EFR3B: variants seen among roughly 807,000 people sequenced by gnomAD.
EFR3B encodes the protein EFR3 homolog B, also known as protein EFR3 homolog B.
A neutral mutation model predicts 104.7 loss-of-function variants in EFR3B; 64 were observed. That is an observed-to-expected ratio of 0.61 (90% CI 0.50 to 0.75). The LOEUF is 0.75. Ranked by LOEUF, EFR3B falls within the 30% of genes least tolerant of loss-of-function variation. The probability of loss-of-function intolerance (pLI) is 0.00; values close to 1 mark genes in which losing one functional copy is unlikely to be tolerated. For synonymous variants in EFR3B, 385 were observed against 417.9 expected (o/e 0.92, Z 0.96); for missense variants, 750 against 1,078.5 (o/e 0.70, Z 4.27).
intron 5 of EFR3B, among the ~76,000 whole-genome samples, chr2:25,125,646 C>T (rs531923300): frequency 6.0e-4 from 92 of 152,268 alleles, no homozygotes; most frequent in African/African-American, 2.1e-3. Flanking sequence ...CCCTGGCAAC[C>T]CCAGTTAAAA....
chr2:25,143,184 C>T (rs1670721470), intron 17 of EFR3B, among the ~76,000 whole-genome samples: 3 of 151,820 alleles, frequency 2.0e-5, no homozygotes, highest in Admixed American at 2.0e-4. Context: ...CCACTGCACT[C>T]CGGTCTGGGT....
intron 3 of EFR3B, among the ~76,000 whole-genome samples, chr2:25,094,412 G>T (rs1669223410): frequency 6.6e-6 from 1 of 152,150 alleles, no homozygotes; most frequent in African/African-American, 2.4e-5. Context: ...ATAGTGGGTG[G>T]AGTGGAGAAA....
At chr2:25,145,270 A>T (rs1670784323) in intron 19 of EFR3B, 7 of 569,250 alleles carry the variant, frequency 1.2e-5, no homozygotes, top group Admixed American at 3.0e-5. Flanking sequence ...GATATCATAA[A>T]ACTCACTCTT....
intron 16 of EFR3B, among the ~76,000 whole-genome samples, chr2:25,139,683 G>A (rs1320927689): frequency 6.6e-6 from 1 of 152,178 alleles, no homozygotes; most frequent in Non-Finnish European, 1.5e-5. Context: ...GAAATGAACA[G>A]TTATGAAAAT....
At chr2:25,139,266 A>T in intron 16 of EFR3B, 76 bp downstream of exon 16, 2 of 1,489,310 alleles carry the variant, frequency 1.3e-6, no homozygotes, top group South Asian at 2.6e-5. Flanking sequence ...CCTTAATTGC[A>T]TTAGTCCTGT....
chr2:25,142,319 T>C (rs1670691602), intron 17 of EFR3B, among the ~76,000 whole-genome samples: 1 of 151,868 alleles, frequency 6.6e-6, no homozygotes, highest in Admixed American at 6.6e-5. Context: ...GGCGCACACC[T>C]GTAGTCCCAG....
At chr2:25,118,902 G>A (rs532814310) in intron 4 of EFR3B, among the ~76,000 whole-genome samples, 55 of 152,152 alleles carry the variant, frequency 3.6e-4, no homozygotes, top group South Asian at 1.0e-3. Flanking sequence ...GCCAGGCATC[G>A]TGGCTGTAGT....
At chr2:25,082,096 C>T (rs1168088976) in intron 1 of EFR3B, among the ~76,000 whole-genome samples, 2 of 152,218 alleles carry the variant, frequency 1.3e-5, no homozygotes, top group South Asian at 2.1e-4. Context: ...GTCCTGCGTC[C>T]TCTGTCGCAA....
intron 3 of EFR3B, among the ~76,000 whole-genome samples, chr2:25,096,064 G>A (rs1009886851): frequency 5.3e-5 from 8 of 151,932 alleles, no homozygotes; most frequent in Non-Finnish European, 1.0e-4. Flanking sequence ...CGCCCAGGCT[G>A]GAGTGCATTG....
At chr2:25,143,902 CTT>C (rs749477480) in intron 18 of EFR3B, 40 bp downstream of exon 18, 5 of 1,543,990 alleles carry the variant, frequency 3.2e-6, no homozygotes, top group Non-Finnish European at 4.4e-6. Context: ...CTGCCTCTGT[CTT>C]TACTTGGCCA....
intron 4 of EFR3B, among the ~76,000 whole-genome samples, chr2:25,112,118 T>C (rs1286896206): frequency 6.6e-6 from 1 of 152,258 alleles, no homozygotes. Context: ...CATCAACTCT[T>C]GTGGTTTTAA....
intron 1 of EFR3B, among the ~76,000 whole-genome samples, chr2:25,054,075 T>C (rs768030339): frequency 1.3e-5 from 2 of 152,168 alleles, no homozygotes; most frequent in Non-Finnish European, 2.9e-5. Flanking sequence ...GTGCAGTCCA[T>C]GGGTTAGGCT....
chr2:25,128,328 G>A lies in EFR3B; in HGVS notation c.631G>A (p.Glu211Lys). ...CAATCTACAGCATGTAGAGGAGGCA[G>A]AGAGGTAAGCAGGCCGGGATGGGGC... The part of the protein sequence containing the change: ...LFNLQHVEEA[E>K]SRSPSPLQAP... The change falls in exon 6 of 23, where the codon GAG becomes AAG. Residue 211 changes from glutamate to lysine, a missense_variant. Glu to Lys is a moderately conservative substitution (Grantham distance 56). Transcript: ENST00000403714. 1 of 1,551,890 alleles carries A rather than the reference G, an allele frequency of 6.4e-7. No homozygotes were observed. The highest frequency in any genetic ancestry group is 8.7e-7 in the Non-Finnish European group (1 of 1,147,044).
At chr2:25,065,079 C>CGG (rs140212016) in intron 1 of EFR3B, among the ~76,000 whole-genome samples, 150 of 151,380 alleles carry the variant, frequency 9.9e-4, no homozygotes, top group African/African-American at 2.7e-3. Context: ...TCCCACCTGG[C>CGG]GGGGGGGGCG....
At chr2:25,133,711 T>G (rs951073248) in intron 12 of EFR3B, among the ~76,000 whole-genome samples, 1 of 152,236 alleles carries the variant, frequency 6.6e-6, no homozygotes, top group African/African-American at 2.4e-5. Flanking sequence ...AGACGTGATC[T>G]GTCTTGAGAC....
At position 25,130,156 on chromosome 2, in the gene EFR3B, G is replaced by T. The variant is rs770998724; in HGVS notation, c.770+47G>T. On this transcript the variant is annotated intron_variant, in intron 7 of 22. Coordinates refer to ENST00000403714, the MANE Select transcript of EFR3B (RefSeq NM_014971.2). The surrounding 1 kb of genome is among the most constrained non-coding windows in gnomAD (Gnocchi z 4.6). ...CTTGGCCCCAGCCTTCAGCCTGGAT[G>T]TGTTTCAGGTCCCTGGCATCTCCTG... The T allele has an allele frequency of 5.1e-5, 79 of 1,549,596 alleles. No homozygotes were observed. Among genetic ancestry groups the T allele is most frequent in the Non-Finnish European group, 7.0e-6 (8 of 1,145,412 alleles).
At position 25,154,529 on chromosome 2, in the gene EFR3B, C is replaced by T; in HGVS notation, c.*189C>T. Reference sequence around the variant, plus strand: ...GGCCCTCCTACCTCCTCCTCGTCTTCCCTGAGGGAGGTCTCACCAATCAGC... The same window carrying T: ...GGCCCTCCTACCTCCTCCTCGTCTTTCCTGAGGGAGGTCTCACCAATCAGC... On this transcript the variant is annotated 3_prime_UTR_variant, in exon 23 of 23. Coordinates refer to ENST00000403714, the MANE Select transcript of EFR3B (RefSeq NM_014971.2). The surrounding 1 kb of genome is among the most constrained non-coding windows in gnomAD (Gnocchi z 4.1). The T allele has an allele frequency of 1.7e-6, 1 of 576,242 alleles. No individual in the cohort carries two copies. The allele number at this position is 576,242 out of a possible 1,614,324, so 35.7% of individuals were successfully genotyped here. A position where few individuals can be genotyped will look rare whatever the true frequency, so the allele number is the denominator to read the frequency against.
intron 1 of EFR3B, among the ~76,000 whole-genome samples, chr2:25,053,318 C>A (rs76996875): frequency 6.6e-6 from 1 of 152,132 alleles, no homozygotes; most frequent in Admixed American, 6.5e-5. Flanking sequence ...CTTTGGGGAC[C>A]ACAATGAGGA....
intron 1 of EFR3B, among the ~76,000 whole-genome samples, chr2:25,090,116 A>G (rs1389629556): frequency 6.6e-6 from 1 of 152,226 alleles, no homozygotes; most frequent in Non-Finnish European, 1.5e-5. Flanking sequence ...AATGACCTGT[A>G]GGCTTAATCT....
Sources: allele counts gnomAD v4.1 joint callset (sites outside exome capture counted in the v4.1 genomes callset), GRCh38; gene constraint gnomAD v4.1.1; non-coding constraint Gnocchi (gnomAD v3.1); transcripts MANE v1.5; gene names NCBI Gene and HGNC (gene_info 2026-07-23, HGNC 2026-07-21).